The following ARHGAP10 variants were observed in gnomAD, a reference collection of about 807,000 sequenced individuals.
The protein encoded by ARHGAP10 is rho GTPase-activating protein 10.
ARHGAP10 carries 87 observed loss-of-function variants against 108.6 expected under a neutral mutation model. The observed-to-expected ratio is 0.80, with a 90% CI of 0.67 to 0.96. The LOEUF (loss-of-function observed/expected upper bound fraction) is 0.96. Among genes scored for constraint, ARHGAP10 ranks in the 40% least tolerant of loss-of-function variants. The probability of loss-of-function intolerance (pLI) is 0.00; values close to 1 mark genes in which losing one functional copy is unlikely to be tolerated. For synonymous variants in ARHGAP10, 347 were observed against 341.1 expected (o/e 1.02, Z -0.19); for missense variants, 939 against 954.5 (o/e 0.98, Z 0.21).
rs763969934 is a variant in ARHGAP10, at chr4:147,965,135, C to G, written c.1556+6C>G. The G allele has an allele frequency of 1.3e-6, 2 of 1,588,990 alleles. No homozygotes were observed. The highest frequency in any genetic ancestry group is 4.5e-5 in the East Asian group (2 of 44,076). ...TTGGTGAAACACTTAACAAAGTAAG[C>G]CTCTTTTTCTTCGTTTTAACTTTCT... On this transcript the variant is annotated splice_donor_region_variant and intron_variant, in intron 17 of 22. Transcript: ENST00000336498.
chr4:148,020,207 T>G (rs971768176), intron 18 of ARHGAP10, among the ~76,000 whole-genome samples: 12 of 152,186 alleles, frequency 7.9e-5, no homozygotes, highest in African/African-American at 2.9e-4. Context: ...CTTTGACATA[T>G]TTTATACCTC....
intron 5 of ARHGAP10, 183 bp downstream of exon 5, chr4:147,857,837 T>C: frequency 2.5e-6 from 1 of 399,562 alleles, no homozygotes; most frequent in Non-Finnish European, 4.0e-6. Context: ...AATGAATACA[T>C]CTTATAGTGA....
chr4:147,786,729 T>G (rs570880770), intron 1 of ARHGAP10, among the ~76,000 whole-genome samples: 38 of 152,296 alleles, frequency 2.5e-4, no homozygotes, highest in African/African-American at 8.9e-4. Flanking sequence ...TATTCAACAG[T>G]GATTACTATC....
At chr4:147,810,192 C>T (rs1731963973) in intron 1 of ARHGAP10, among the ~76,000 whole-genome samples, 2 of 152,232 alleles carry the variant, frequency 1.3e-5, no homozygotes, top group Admixed American at 1.3e-4. Flanking sequence ...ATCATTTACC[C>T]TTGCTCCTGC....
chr4:147,854,609 A>G (rs1231985595), intron 4 of ARHGAP10: 3 of 765,270 alleles, frequency 3.9e-6, no homozygotes, highest in East Asian at 1.3e-4. Flanking sequence ...TATTGGGGGA[A>G]AAAAAAAGCT....
chr4:147,743,023 GT>G lies in ARHGAP10; in HGVS notation c.154+10584del, dbSNP rs879338985. On this transcript the variant is annotated intron_variant, in intron 1 of 22. Transcript: ENST00000336498. ...AGATTCTCTGCCATACTGATCGATA[GT>G]TTTTTTTTTTTTTTTAATTTTTATT... Among the ~76,000 whole-genome samples, 320 of 137,446 alleles carry G rather than the reference GT, an allele frequency of 2.3e-3. 1 individual carries two copies. The highest frequency in any genetic ancestry group is 9.3e-3 in the East Asian group (43 of 4,626). The allele number at this position is 137,446 out of a possible 152,430, so 90.2% of individuals were successfully genotyped here. A position where few individuals can be genotyped will look rare whatever the true frequency, so the allele number is the denominator to read the frequency against.
At position 148,000,277 on chromosome 4, in the gene ARHGAP10, T is replaced by C. The variant is rs184917479; in HGVS notation, c.1717-22986T>C. Reference sequence around the variant, plus strand: ...TGAACTCATCTTTTTGATGGCTGCATAGTATTCCATGGTGTATATGTGCCA... The same window carrying C: ...TGAACTCATCTTTTTGATGGCTGCACAGTATTCCATGGTGTATATGTGCCA... On this transcript the variant is annotated intron_variant, in intron 18 of 22. Transcript: ENST00000336498. Among the ~76,000 whole-genome samples the C allele has an allele frequency of 3.3e-3, 507 of 152,346 alleles. 2 individuals carry two copies. Among genetic ancestry groups the C allele is most frequent in the African/African-American group, 0.012 (487 of 41,572 alleles).
intron 1 of ARHGAP10, among the ~76,000 whole-genome samples, chr4:147,776,234 T>C (rs929422006): frequency 6.6e-6 from 1 of 152,050 alleles, no homozygotes; most frequent in East Asian, 1.9e-4. Flanking sequence ...GAAAAAAAAA[T>C]TCTAAGACGG....
intron 19 of ARHGAP10, among the ~76,000 whole-genome samples, chr4:148,031,318 G>C (rs1273403996): frequency 6.6e-6 from 1 of 152,158 alleles, no homozygotes; most frequent in Non-Finnish European, 1.5e-5. Context: ...GAACAGTTAT[G>C]TATTAGCATA....
intron 18 of ARHGAP10, among the ~76,000 whole-genome samples, chr4:147,977,642 C>T (rs969986276): frequency 7.9e-5 from 12 of 152,020 alleles, no homozygotes; most frequent in African/African-American, 2.9e-4. Flanking sequence ...CAGCTCCACT[C>T]AATTGTGTGA....
intron 1 of ARHGAP10, among the ~76,000 whole-genome samples, chr4:147,745,998 C>T (rs1724762513): frequency 6.6e-6 from 1 of 151,624 alleles, no homozygotes; most frequent in South Asian, 2.1e-4. Context: ...CCATGTTGGT[C>T]AGGCTTATCT....
At chr4:147,775,766 T>C (rs11729081) in intron 1 of ARHGAP10, among the ~76,000 whole-genome samples, 114,003 of 152,132 alleles carry the variant, frequency 0.75, 48,722 homozygotes, top group Non-Finnish European at 0.94. Flanking sequence ...TTGCACAGAA[T>C]TATGGTATAA....
chr4:147,982,910 T>C (rs1011570723), intron 18 of ARHGAP10, among the ~76,000 whole-genome samples: 1 of 152,090 alleles, frequency 6.6e-6, no homozygotes. Context: ...CGAGACAGGG[T>C]CTTACTCTCG....
chr4:147,819,042 A>C (rs537089250), intron 1 of ARHGAP10, among the ~76,000 whole-genome samples: 21 of 152,368 alleles, frequency 1.4e-4, no homozygotes, highest in Admixed American at 4.6e-4. Flanking sequence ...TGCTCTTTAC[A>C]TAGGGAGAAA....
At chr4:148,024,600 T>C (rs1171201420) in intron 19 of ARHGAP10, among the ~76,000 whole-genome samples, 1 of 152,240 alleles carries the variant, frequency 6.6e-6, no homozygotes. Context: ...TAGGTACATA[T>C]GATACAAATA....
chr4:147,870,312 T>C (rs544242123), intron 7 of ARHGAP10, among the ~76,000 whole-genome samples: 6 of 152,158 alleles, frequency 3.9e-5, no homozygotes, highest in Non-Finnish European at 8.8e-5. Flanking sequence ...CTGCCTGCCT[T>C]GGCCTCCCAA....
rs986283464 is a variant in ARHGAP10, at chr4:147,954,495, TTTTG to T, written c.1392-815_1392-812del. On this transcript the variant is annotated intron_variant, in intron 15 of 22. Transcript: ENST00000336498. ...TCTCGGCTTTGCATATGTTAAAAAA[TTTTG>T]TTTGTGCATCTTTGATTTTTTTTTT... Among the ~76,000 whole-genome samples the T allele has an allele frequency of 1.0e-3, 153 of 152,112 alleles. 1 individual carries two copies. The highest frequency in any genetic ancestry group is 3.4e-3 in the African/African-American group (143 of 41,526).
intron 18 of ARHGAP10, 47 bp downstream of exon 18, chr4:147,966,886 C>T (rs1217643965): frequency 2.7e-6 from 4 of 1,458,662 alleles, no homozygotes. Context: ...GGCTTGTCGC[C>T]ATGTACTACA....
chr4:148,061,073 G>A (rs1027122483), intron 20 of ARHGAP10, among the ~76,000 whole-genome samples: 1 of 151,292 alleles, frequency 6.6e-6, no homozygotes, highest in East Asian at 1.9e-4. Flanking sequence ...CCACCCACCC[G>A]CGGGTGTTTT....
Sources: allele counts gnomAD v4.1 joint callset (sites outside exome capture counted in the v4.1 genomes callset), GRCh38; gene constraint gnomAD v4.1.1; transcripts MANE v1.5; gene names NCBI Gene and HGNC (gene_info 2026-07-23, HGNC 2026-07-21).